The following FUBP3 variants were observed in gnomAD, a reference collection of about 807,000 sequenced individuals.
FUBP3 encodes the protein far upstream element binding protein 3, also known as far upstream element-binding protein 3.
A neutral mutation model predicts 85.6 loss-of-function variants in FUBP3; 28 were observed. That is an observed-to-expected ratio of 0.33 (90% CI 0.24 to 0.45). The LOEUF is 0.45. Ranked by LOEUF, FUBP3 falls within the 20% of genes least tolerant of loss-of-function variation. FUBP3 has a pLI of 1.00. For synonymous variants in FUBP3, 271 were observed against 271.4 expected, an observed-to-expected ratio of 1.00 and a Z score of 0.01; for missense variants, 583 against 755.1, an observed-to-expected ratio of 0.77 and a Z score of 2.67.
At chr9:130,624,675 TA>T (rs1829897233) in intron 11 of FUBP3, among the ~76,000 whole-genome samples, 1 of 151,378 alleles carries the variant, frequency 6.6e-6, no homozygotes. Context: ...CAGCTATCAT[TA>T]ATGTTAGTGT....
intron 12 of FUBP3, among the ~76,000 whole-genome samples, chr9:130,628,382 AG>A (rs1830077864): frequency 6.6e-6 from 1 of 152,244 alleles, no homozygotes; most frequent in South Asian, 2.1e-4. Context: ...ACGTCCAGCC[AG>A]GGGGCCACTG....
intron 14 of FUBP3, 59 bp downstream of exon 14, chr9:130,631,689 G>T (rs1297386172): frequency 2.7e-5 from 37 of 1,363,300 alleles, no homozygotes; most frequent in Non-Finnish European, 3.7e-5. Context: ...GAGATCCCCT[G>T]TCGTTTCCAG....
chr9:130,606,449 C>CGTGCTGGCT (rs1198279292), intron 2 of FUBP3, among the ~76,000 whole-genome samples: 1 of 152,210 alleles, frequency 6.6e-6, no homozygotes, highest in African/African-American at 2.4e-5. Flanking sequence ...GGTGCCAGCC[C>CGTGCTGGCT]GTGCTGGCTG....
At chr9:130,597,715 G>A (rs574733443) in intron 2 of FUBP3, among the ~76,000 whole-genome samples, 2 of 152,208 alleles carry the variant, frequency 1.3e-5, no homozygotes, top group Non-Finnish European at 2.9e-5. Context: ...AATTCTACAC[G>A]TGGAGAACAG....
chr9:130,622,347 C>A (rs1210952200), intron 9 of FUBP3, among the ~76,000 whole-genome samples: 1 of 140,616 alleles, frequency 7.1e-6, no homozygotes, highest in African/African-American at 2.7e-5. Flanking sequence ...AAAAAAGTGT[C>A]CTGGCCAGAC....
chr9:130,588,179 A>G (rs756312243), intron 1 of FUBP3, among the ~76,000 whole-genome samples: 1 of 152,178 alleles, frequency 6.6e-6, no homozygotes, highest in South Asian at 2.1e-4. Flanking sequence ...GTGATTATTA[A>G]GAGACAAACT....
In FUBP3 at chr9:130,616,556, C is replaced by T. The variant is rs756133355; in HGVS notation, c.567+39C>T. 3 of 1,601,002 alleles carry T rather than the reference C, an allele frequency of 1.9e-6. No homozygotes were observed. Among genetic ancestry groups the T allele is most frequent in the South Asian group, 2.2e-5 (2 of 90,542 alleles). Reference sequence around the variant, plus strand: ...GAGCACGGAGCACAGCGGCCGCTCGCAGCAGGTCTTCAGCTTCCTGGCCCA... The same window carrying T: ...GAGCACGGAGCACAGCGGCCGCTCGTAGCAGGTCTTCAGCTTCCTGGCCCA... On this transcript the variant is annotated intron_variant, in intron 7 of 18. Coordinates refer to ENST00000319725, the MANE Select transcript of FUBP3 (RefSeq NM_003934.2). This position sits in a 1 kb window ranked among gnomAD's most constrained non-coding sequence, Gnocchi z 4.7.
chr9:130,596,213 G>C (rs1458158444), intron 2 of FUBP3, among the ~76,000 whole-genome samples: 1 of 152,198 alleles, frequency 6.6e-6, no homozygotes, highest in Non-Finnish European at 1.5e-5. Context: ...TCTGTAGAGA[G>C]CTTGGACATC....
At chr9:130,585,886 A>C (rs180927645) in intron 1 of FUBP3, among the ~76,000 whole-genome samples, 2 of 152,212 alleles carry the variant, frequency 1.3e-5, no homozygotes, top group African/African-American at 4.8e-5. Flanking sequence ...CTGTCTATTC[A>C]TACTCCCTTC....
chr9:130,599,527 T>C (rs983887993), intron 2 of FUBP3, among the ~76,000 whole-genome samples: 5 of 152,098 alleles, frequency 3.3e-5, no homozygotes, highest in African/African-American at 1.2e-4. Context: ...ACGCTGTTCA[T>C]GAGTCTGCTT....
At chr9:130,610,135 C>G (rs1375324295) in intron 3 of FUBP3, 148 bp downstream of exon 3, 1 of 652,498 alleles carries the variant, frequency 1.5e-6, no homozygotes, top group African/African-American at 1.8e-5. Flanking sequence ...TTTTGCTAGC[C>G]ATTTCTAAGA....
chr9:130,606,600 C>A (rs1831458521), intron 2 of FUBP3, among the ~76,000 whole-genome samples: 1 of 152,092 alleles, frequency 6.6e-6, no homozygotes, highest in African/African-American at 2.4e-5. Context: ...GTGGGCGGAT[C>A]ACCTGAGGTC....
chr9:130,609,258 T>C (rs1051852804), intron 2 of FUBP3, among the ~76,000 whole-genome samples: 6 of 152,054 alleles, frequency 3.9e-5, no homozygotes, highest in Non-Finnish European at 8.8e-5. Context: ...TGTGGGAATG[T>C]GATTACAGAG....
At chr9:130,633,486 G>GC (rs1281453012) in intron 16 of FUBP3, among the ~76,000 whole-genome samples, 1 of 152,234 alleles carries the variant, frequency 6.6e-6, no homozygotes, top group African/African-American at 2.4e-5. Flanking sequence ...AGGGGAAACG[G>GC]CCCCCTGGCG....
In FUBP3 at chr9:130,620,223, A is replaced by T. The variant is rs77557677; in HGVS notation, c.667-131A>T. 896 of 546,376 alleles carry T rather than the reference A, an allele frequency of 1.6e-3. 6 individuals are homozygous for T. Among genetic ancestry groups the T allele is most frequent in the African/African-American group, 0.015 (774 of 51,876 alleles). The allele number at this position is 546,376 out of a possible 1,614,324, so 33.8% of individuals were successfully genotyped here. The stretch of plus-strand genomic sequence containing the variant: ...CATCCCCCTACATGTCCCATAAGCC[A>T]TAAGTGAATTGTCCTACAGCTGAGC... On this transcript the variant is annotated intron_variant, in intron 8 of 18. Coordinates refer to ENST00000319725, the MANE Select transcript of FUBP3 (RefSeq NM_003934.2).
intron 7 of FUBP3, 117 bp from the exon 8 acceptor site, chr9:130,617,680 C>G: frequency 2.6e-6 from 2 of 761,542 alleles, no homozygotes; most frequent in Non-Finnish European, 4.8e-6. Context: ...GAAGGCAGTC[C>G]CTGGTGGTAG....
At chr9:130,599,575 T>C (rs371492305) in intron 2 of FUBP3, among the ~76,000 whole-genome samples, 1 of 152,090 alleles carries the variant, frequency 6.6e-6, no homozygotes, top group Admixed American at 6.6e-5. Flanking sequence ...GTTTGAAAGC[T>C]TGCCTGAATG....
intron 2 of FUBP3, among the ~76,000 whole-genome samples, chr9:130,602,991 G>A (rs898628672): frequency 2.6e-5 from 4 of 152,084 alleles, no homozygotes; most frequent in African/African-American, 9.7e-5. Context: ...CAAGCAGTGG[G>A]GCCAGGCAAG....
intron 2 of FUBP3, among the ~76,000 whole-genome samples, chr9:130,600,081 C>T (rs185739454): frequency 6.6e-6 from 1 of 150,986 alleles, no homozygotes; most frequent in African/African-American, 2.5e-5. Flanking sequence ...TTGGTCTTCT[C>T]TCTACCTTTT....
Sources: allele counts gnomAD v4.1 joint callset (sites outside exome capture counted in the v4.1 genomes callset), GRCh38; gene constraint gnomAD v4.1.1; non-coding constraint Gnocchi (gnomAD v3.1); transcripts MANE v1.5; gene names NCBI Gene and HGNC (gene_info 2026-07-23, HGNC 2026-07-21).